Variants in CSMD1 observed in about 807,000 individuals in gnomAD.
The protein encoded by CSMD1 is CUB and sushi domain-containing protein 1.
In CSMD1, 213 loss-of-function variants were observed where a neutral mutation model predicts 417.5. The observed-to-expected ratio is 0.51, with a 90% confidence interval of 0.46 to 0.57. The LOEUF is 0.57. Among genes scored for constraint, CSMD1 ranks in the 20% least tolerant of loss-of-function variants. The pLI, the probability that CSMD1 is intolerant of heterozygous loss-of-function variation, is 0.00. For synonymous variants in CSMD1, 2,862 were observed against 1,736.8 expected (o/e 1.65, Z -16.11); for missense variants, 6,923 against 4,529.7 (o/e 1.53, Z -15.17).
At chr8:3,409,668 C>A (rs899820068) in intron 12 of CSMD1, 63 bp from the exon 13 acceptor site, 15 of 1,328,158 alleles carry the variant, frequency 1.1e-5, no homozygotes, top group Middle Eastern at 4.7e-4. Flanking sequence ...TTTATCTCTA[C>A]AACTTAGAAA....
intron 3 of CSMD1, among the ~76,000 whole-genome samples, chr8:4,253,800 A>G (rs1016662015): frequency 1.3e-5 from 2 of 151,694 alleles, no homozygotes; most frequent in African/African-American, 2.4e-5. Flanking sequence ...TATTTATGTG[A>G]AAGACAAATA....
intron 4 of CSMD1, among the ~76,000 whole-genome samples, chr8:4,010,121 G>A (rs1275360093): frequency 6.6e-6 from 1 of 152,022 alleles, no homozygotes; most frequent in Non-Finnish European, 1.5e-5. Flanking sequence ...TCCTCTGATG[G>A]AAACCTGAAT....
chr8:3,130,826 G>A (rs1817755393), intron 41 of CSMD1, among the ~76,000 whole-genome samples: 1 of 152,138 alleles, frequency 6.6e-6, no homozygotes, highest in Admixed American at 6.6e-5. Context: ...CCTGGGCACG[G>A]CTGCAGCCTC....
At chr8:4,586,549 A>G (rs918850169) in intron 2 of CSMD1, among the ~76,000 whole-genome samples, 1 of 151,996 alleles carries the variant, frequency 6.6e-6, no homozygotes, top group African/African-American at 2.4e-5. Context: ...CAATGTTTTT[A>G]TGGACGTAAC....
chr8:3,560,703 C>G (rs1192056168), intron 10 of CSMD1, among the ~76,000 whole-genome samples: 1 of 152,124 alleles, frequency 6.6e-6, no homozygotes, highest in Non-Finnish European at 1.5e-5. Flanking sequence ...TCTCAGGGTA[C>G]TTTTTGACAT....
At chr8:4,594,892 G>A (rs374748280) in intron 2 of CSMD1, among the ~76,000 whole-genome samples, 1 of 152,094 alleles carries the variant, frequency 6.6e-6, no homozygotes, top group Non-Finnish European at 1.5e-5. Context: ...CTCTGTAAAA[G>A]GAATGTGGAT....
intron 1 of CSMD1, among the ~76,000 whole-genome samples, chr8:4,668,720 C>A (rs915159545): frequency 3.3e-5 from 5 of 152,000 alleles, no homozygotes; most frequent in Non-Finnish European, 7.4e-5. Context: ...AAAAATAAAA[C>A]ATTACCAGTT....
At chr8:3,825,194 C>T (rs1170669648) in intron 5 of CSMD1, among the ~76,000 whole-genome samples, 2 of 151,970 alleles carry the variant, frequency 1.3e-5, no homozygotes, top group Admixed American at 1.3e-4. Flanking sequence ...GTGCTGATTC[C>T]CTGAAGGAGT....
At chr8:3,753,844 C>A (rs569185910) in intron 6 of CSMD1, 86 bp downstream of exon 6, 4 of 855,170 alleles carry the variant, frequency 4.7e-6, no homozygotes, top group Non-Finnish European at 7.3e-6. Context: ...AGCTATTTAT[C>A]CAACTCCTAA....
chr8:4,318,936 CTT>C (rs1399982025), intron 3 of CSMD1, among the ~76,000 whole-genome samples: 1 of 152,088 alleles, frequency 6.6e-6, no homozygotes, highest in African/African-American at 2.4e-5. Context: ...ATTTTACTCT[CTT>C]TATTAAAAAC....
chr8:4,312,807 G>T (rs1798705782), intron 3 of CSMD1, among the ~76,000 whole-genome samples: 1 of 152,234 alleles, frequency 6.6e-6, no homozygotes, highest in African/African-American at 2.4e-5. Flanking sequence ...CAGGGTGGTG[G>T]AGGTTGCAGT....
At chr8:4,610,133 C>G (rs1801088358) in intron 2 of CSMD1, among the ~76,000 whole-genome samples, 1 of 150,752 alleles carries the variant, frequency 6.6e-6, no homozygotes, top group Non-Finnish European at 1.5e-5. Context: ...CATTTAAAGA[C>G]TAATAGGTTA....
intron 1 of CSMD1, among the ~76,000 whole-genome samples, chr8:4,948,313 G>C (rs1280084557): frequency 2.0e-5 from 3 of 151,814 alleles, no homozygotes; most frequent in Non-Finnish European, 4.4e-5. Context: ...TTGTTATTTT[G>C]TTTTCCTTTT....
intron 4 of CSMD1, among the ~76,000 whole-genome samples, chr8:4,030,318 G>C (rs1373108252): frequency 1.3e-5 from 2 of 152,182 alleles, no homozygotes; most frequent in African/African-American, 4.8e-5. Context: ...CTTCTATCTG[G>C]ACATCTAGGA....
chr8:4,458,425 CA>C (rs1464083611), intron 2 of CSMD1, among the ~76,000 whole-genome samples: 1 of 152,028 alleles, frequency 6.6e-6, no homozygotes, highest in Non-Finnish European at 1.5e-5. Flanking sequence ...TGATTTTTAT[CA>C]GTTGGTTTCT....
chr8:3,012,625 T>C (rs1372706539), intron 52 of CSMD1, among the ~76,000 whole-genome samples: 1 of 152,220 alleles, frequency 6.6e-6, no homozygotes, highest in Non-Finnish European at 1.5e-5. Context: ...ATATTGGACC[T>C]AAGGTATACA....
At chr8:3,194,219 T>G (rs974041214) in intron 33 of CSMD1, among the ~76,000 whole-genome samples, 17 of 152,070 alleles carry the variant, frequency 1.1e-4, no homozygotes, top group Non-Finnish European at 7.4e-5. Flanking sequence ...GAAAACCAAC[T>G]AAGCCATATA....
At position 4,420,047 on chromosome 8, in the gene CSMD1, C is replaced by G. The variant is rs779157309; in HGVS notation, c.321G>C (p.Leu107=). The G allele has an allele frequency of 6.4e-7, 1 of 1,569,216 alleles. No individual in the cohort carries two copies. The highest frequency in any genetic ancestry group is 8.7e-7 in the Non-Finnish European group (1 of 1,155,536). The change falls in exon 3 of 70, where the codon CTG becomes CTC. Residue 107 remains leucine, a synonymous_variant. Transcript: ENST00000635120. ...NLKVRLSGFQ[L]PSSIVSTGSI... ...ATCCTGTACTCACTATAGAGGAGGGCAGCTGAAATCCCGATAATCTAAATT... is the reference window on the plus strand; with the variant it reads ...ATCCTGTACTCACTATAGAGGAGGGGAGCTGAAATCCCGATAATCTAAATT...
intron 2 of CSMD1, among the ~76,000 whole-genome samples, chr8:4,421,684 G>A (rs1250385813): frequency 6.6e-6 from 1 of 151,896 alleles, no homozygotes; most frequent in African/African-American, 2.4e-5. Context: ...ACTCAGCTAA[G>A]CAGTGCTGAG....
Sources: allele counts gnomAD v4.1 joint callset (sites outside exome capture counted in the v4.1 genomes callset), GRCh38; gene constraint gnomAD v4.1.1; transcripts MANE v1.5; gene names NCBI Gene and HGNC (gene_info 2026-07-23, HGNC 2026-07-21).